The following SPIRE1 variants were observed in gnomAD, a reference collection of about 807,000 sequenced individuals.
SPIRE1 encodes spire type actin nucleation factor 1.
In SPIRE1, 40 loss-of-function variants were observed where a neutral mutation model predicts 94.1. The ratio of observed to expected loss-of-function variants is 0.43; its 90% CI spans 0.33 to 0.55. The LOEUF is 0.55. SPIRE1 is among the 20% of genes least tolerant of loss of function. The pLI is 0.06. For synonymous variants in SPIRE1, 376 were observed against 371.7 expected (o/e 1.01, Z -0.13); for missense variants, 838 against 975.2 (o/e 0.86, Z 1.87).
chr18:12,479,164 TTTTTTC>T (rs2032744863), intron 10 of SPIRE1, among the ~76,000 whole-genome samples: 2 of 149,840 alleles, frequency 1.3e-5, no homozygotes, highest in Admixed American at 1.3e-4. Context: ...TATGTATTTT[TTTTTTC>T]TTTTTCTTTT....
intron 5 of SPIRE1, among the ~76,000 whole-genome samples, chr18:12,507,290 C>T (rs2033867966): frequency 2.6e-5 from 4 of 152,212 alleles, no homozygotes; most frequent in Admixed American, 2.6e-4. Flanking sequence ...AGCTATTTGA[C>T]ACGGAGCAAG....
In SPIRE1 at chr18:12,515,290, G is replaced by A. The variant is rs28504345; in HGVS notation, c.730-2759C>T. 2.6e-3 allele frequency among the ~76,000 whole-genome samples: 388 copies of A among 152,114 alleles called. 5 individuals carry two copies. The highest frequency in any genetic ancestry group is 9.0e-3 in the African/African-American group (375 of 41,516). On this transcript the variant is annotated intron_variant, in intron 4 of 16. Coordinates refer to ENST00000409402, the MANE Select transcript of SPIRE1 (RefSeq NM_001128626.2). ...AATATTTGGGGAAGCTGAGGCATGAGGACTGCTTGAGGCCAGGAGTTGAAG... is the reference window on the plus strand; with the variant it reads ...AATATTTGGGGAAGCTGAGGCATGAAGACTGCTTGAGGCCAGGAGTTGAAG...
intron 2 of SPIRE1, among the ~76,000 whole-genome samples, chr18:12,551,591 G>C (rs746121250): frequency 6.6e-6 from 1 of 151,978 alleles, no homozygotes; most frequent in Non-Finnish European, 1.5e-5. Flanking sequence ...TGTAGTCCCA[G>C]CTACTCAGGA....
intron 2 of SPIRE1, among the ~76,000 whole-genome samples, chr18:12,575,090 AG>A (rs2036059198): frequency 1.3e-5 from 2 of 152,152 alleles, no homozygotes; most frequent in Admixed American, 1.3e-4. Context: ...GGGCAGAGGT[AG>A]GTGTTTTCAG....
chr18:12,476,583 A>G (rs1452094651), intron 10 of SPIRE1, among the ~76,000 whole-genome samples: 1 of 137,688 alleles, frequency 7.3e-6, no homozygotes, highest in African/African-American at 2.6e-5. Flanking sequence ...ATATATATAT[A>G]TATATACACA....
chr18:12,525,075 A>G (rs1312670073), intron 4 of SPIRE1, among the ~76,000 whole-genome samples: 2 of 151,654 alleles, frequency 1.3e-5, no homozygotes, highest in Non-Finnish European at 2.9e-5. Context: ...AGGAGATCGA[A>G]ACCATCCTGG....
chr18:12,469,845 T>C (rs2032281475), intron 10 of SPIRE1, among the ~76,000 whole-genome samples: 1 of 150,336 alleles, frequency 6.7e-6, no homozygotes, highest in African/African-American at 2.4e-5. Flanking sequence ...TACTAGATTT[T>C]GGCACTCAGA....
In SPIRE1 at chr18:12,449,564, A is replaced by T. The variant is rs2143471578; in HGVS notation, c.*74T>A. Reference sequence around the variant, plus strand: ...CCCATTAAATAAAACCACAGAAAGGAGAGCCAGCCCGGCTCAGTGTCCTCG... The same window carrying T: ...CCCATTAAATAAAACCACAGAAAGGTGAGCCAGCCCGGCTCAGTGTCCTCG... On this transcript the variant is annotated 3_prime_UTR_variant, in exon 17 of 17. Coordinates refer to ENST00000409402, the MANE Select transcript of SPIRE1 (RefSeq NM_001128626.2). 2 of 1,464,900 alleles carry T rather than the reference A, an allele frequency of 1.4e-6. No homozygotes were observed. Among genetic ancestry groups the T allele is most frequent in the Admixed American group, 4.5e-5 (2 of 44,170 alleles). 90.7% of individuals were successfully genotyped at this position (1,464,900 alleles called of 1,614,324 possible). A position where few individuals can be genotyped will look rare whatever the true frequency, so the allele number is the denominator to read the frequency against.
chr18:12,528,672 A>G (rs1344893275), intron 4 of SPIRE1, among the ~76,000 whole-genome samples: 2 of 152,180 alleles, frequency 1.3e-5, no homozygotes, highest in African/African-American at 4.8e-5. Flanking sequence ...AGTATCAAGA[A>G]GTCATGAAAA....
At chr18:12,455,217 C>G (rs1027818338) in intron 12 of SPIRE1, among the ~76,000 whole-genome samples, 1 of 152,082 alleles carries the variant, frequency 6.6e-6, no homozygotes. Context: ...GGATTACAGG[C>G]GTGAGCCACC....
intron 12 of SPIRE1, among the ~76,000 whole-genome samples, chr18:12,458,642 T>A (rs2143559165): frequency 6.6e-6 from 1 of 151,990 alleles, no homozygotes; most frequent in East Asian, 1.9e-4. Context: ...CAAACAAAAC[T>A]CAAAGTGAAT....
chr18:12,657,458 G>A lies in SPIRE1; in HGVS notation c.337+72C>T, dbSNP rs572065195. ...GGACGGCGGGGGCGGAAGGGCCGGG[G>A]ACGCTGAGGGTAAGGCGGCCCAGCC... On this transcript the variant is annotated intron_variant, in intron 1 of 16. Coordinates refer to ENST00000409402, the MANE Select transcript of SPIRE1 (RefSeq NM_001128626.2). The A allele has an allele frequency of 3.4e-5, 39 of 1,153,188 alleles. No homozygotes were observed. The South Asian group carries it at 1.5e-3, about 44-fold the overall frequency. The allele number at this position is 1,153,188 out of a possible 1,614,324, so 71.4% of individuals were successfully genotyped here. A position where few individuals can be genotyped will look rare whatever the true frequency, so the allele number is the denominator to read the frequency against.
upstream of SPIRE1, chr18:12,661,999 C>T (rs1181795803): frequency 2.9e-5 from 7 of 243,818 alleles, no homozygotes; most frequent in East Asian, 2.2e-4. Flanking sequence ...AAATTGAATC[C>T]TTGACTTTTT....
At chr18:12,512,081 C>G (rs774461721) in intron 5 of SPIRE1, among the ~76,000 whole-genome samples, 11 of 151,978 alleles carry the variant, frequency 7.2e-5, no homozygotes, top group African/African-American at 2.4e-4. Flanking sequence ...AAATATTATA[C>G]AGGTTGGGCA....
chr18:12,644,226 TA>T (rs142773317), intron 1 of SPIRE1, among the ~76,000 whole-genome samples: 10,387 of 146,356 alleles, frequency 0.071, 518 homozygotes, highest in Non-Finnish European at 0.11. Context: ...AGGTCAGGGT[TA>T]GGGGGCAACT....
chr18:12,619,640 G>GT (rs1426300994), intron 2 of SPIRE1, among the ~76,000 whole-genome samples: 6 of 152,102 alleles, frequency 3.9e-5, no homozygotes, highest in African/African-American at 1.4e-4. Context: ...GAGGTCAGGA[G>GT]TTTAAGACCA....
At chr18:12,658,336 G>A (rs1307080652), upstream of SPIRE1, 1 of 435,312 alleles carries the variant, frequency 2.3e-6, no homozygotes, top group Non-Finnish European at 4.6e-6. Context: ...ACAGCTGGGG[G>A]CGCAATGGTG....
chr18:12,654,595 C>A (rs191738395), intron 1 of SPIRE1, among the ~76,000 whole-genome samples: 82 of 150,880 alleles, frequency 5.4e-4, no homozygotes, highest in African/African-American at 1.9e-3. Context: ...TGCAAGCTTG[C>A]AGTGAGCTGA....
At chr18:12,646,261 TG>T (rs1197247704) in intron 1 of SPIRE1, among the ~76,000 whole-genome samples, 16 of 152,164 alleles carry the variant, frequency 1.1e-4, no homozygotes, top group Admixed American at 1.0e-3. Context: ...AGATCTCCTC[TG>T]TAACACTCGC....
Sources: allele counts gnomAD v4.1 joint callset (sites outside exome capture counted in the v4.1 genomes callset), GRCh38; gene constraint gnomAD v4.1.1; transcripts MANE v1.5; gene names NCBI Gene and HGNC (gene_info 2026-07-23, HGNC 2026-07-21).